Variants in PAM observed in about 807,000 individuals in gnomAD.
PAM encodes peptidylglycine alpha-amidating monooxygenase.
Under a neutral mutation model 122.1 loss-of-function variants are expected in PAM, and 72 were observed. The observed-to-expected ratio is 0.59, with a 90% confidence interval of 0.49 to 0.72. The LOEUF is 0.72. Among genes scored for constraint, PAM ranks in the 30% least tolerant of loss-of-function variants. The pLI, the probability that PAM is intolerant of heterozygous loss-of-function variation, is 0.00. For missense variants in PAM, 1,106 were observed against 1,183.7 expected (o/e 0.93, Z 0.96); for synonymous variants, 389 against 404.4 (o/e 0.96, Z 0.46).
chr5:102,775,895 A>G (rs1757037122), intron 1 of PAM, among the ~76,000 whole-genome samples: 2 of 152,220 alleles, frequency 1.3e-5, no homozygotes. Context: ...TTCTGGTAAT[A>G]CATCCTTGAG....
intron 1 of PAM, among the ~76,000 whole-genome samples, chr5:102,806,999 A>G (rs1458830619): frequency 6.6e-6 from 1 of 152,258 alleles, no homozygotes; most frequent in African/African-American, 2.4e-5. Context: ...AAATAGAGAT[A>G]ATAATAGTTT....
chr5:102,878,678 A>C (rs2151094431), intron 3 of PAM, among the ~76,000 whole-genome samples: 1 of 152,184 alleles, frequency 6.6e-6, no homozygotes, highest in African/African-American at 2.4e-5. Flanking sequence ...TGACCTGTGC[A>C]GGCCTAGGCT....
At chr5:102,783,249 G>C (rs1220310687) in intron 1 of PAM, among the ~76,000 whole-genome samples, 1 of 148,690 alleles carries the variant, frequency 6.7e-6, no homozygotes, top group Non-Finnish European at 1.5e-5. Flanking sequence ...AAAAAAAATA[G>C]AGATGCCCAG....
chr5:102,849,239 G>A (rs182383621), intron 1 of PAM, among the ~76,000 whole-genome samples: 79 of 152,164 alleles, frequency 5.2e-4, no homozygotes, highest in African/African-American at 1.8e-3. Flanking sequence ...CTGGAACCGC[G>A]CTCCAGTTCC....
chr5:102,896,960 G>A (rs1157939470), intron 3 of PAM, among the ~76,000 whole-genome samples: 1 of 151,636 alleles, frequency 6.6e-6, no homozygotes, highest in Admixed American at 6.6e-5. Context: ...CGGAGTTAGT[G>A]TGAGCCTCCT....
At chr5:102,808,674 G>A (rs73185134) in intron 1 of PAM, among the ~76,000 whole-genome samples, 2,157 of 152,278 alleles carry the variant, frequency 0.014, 44 homozygotes, top group African/African-American at 0.05. Flanking sequence ...GGTATGGGAA[G>A]ATACTAGAAA....
chr5:102,859,060 G>A (rs1302112725), intron 1 of PAM, among the ~76,000 whole-genome samples: 1 of 148,114 alleles, frequency 6.8e-6, no homozygotes, highest in Non-Finnish European at 1.5e-5. Context: ...TGTATAGTAC[G>A]TAATACTTGA....
At chr5:102,872,992 A>G (rs897961214) in intron 3 of PAM, among the ~76,000 whole-genome samples, 2 of 152,114 alleles carry the variant, frequency 1.3e-5, no homozygotes, top group African/African-American at 4.8e-5. Context: ...GGGTGAGGGA[A>G]TAATCTGTAC....
chr5:102,807,493 A>G (rs948949161), intron 1 of PAM, among the ~76,000 whole-genome samples: 1 of 152,238 alleles, frequency 6.6e-6, no homozygotes, highest in Non-Finnish European at 1.5e-5. Context: ...CTGTGGCAGT[A>G]GTCAACAGAT....
intron 1 of PAM, among the ~76,000 whole-genome samples, chr5:102,853,998 A>G (rs183934865): frequency 5.9e-5 from 9 of 152,340 alleles, no homozygotes; most frequent in African/African-American, 1.9e-4. Flanking sequence ...TACCAGAAGT[A>G]CAGCCTCTAT....
intron 1 of PAM, among the ~76,000 whole-genome samples, chr5:102,782,005 TC>T (rs1012412519): frequency 6.6e-6 from 1 of 152,212 alleles, no homozygotes; most frequent in Non-Finnish European, 1.5e-5. Context: ...CAGTCTGCAG[TC>T]CACATCCGTG....
Position 102,917,440 on chromosome 5 carries a change from A to G in PAM, c.356+3419A>G, listed in dbSNP as rs1581676696. Among the ~76,000 whole-genome samples, 3 of 152,316 alleles carry G rather than the reference A, an allele frequency of 2.0e-5. No individual in the cohort carries two copies. The Middle Eastern group carries it at 0.01, about 518-fold the overall frequency. On this transcript the variant is annotated intron_variant, in intron 5 of 25. Transcript: ENST00000438793. Reference sequence around the variant, plus strand: ...CTAAACTTTCACATATATTTTGGGGATGATACCTATAACAGTTTTGATGCT... The same window carrying G: ...CTAAACTTTCACATATATTTTGGGGGTGATACCTATAACAGTTTTGATGCT...
chr5:102,792,364 C>T (rs1762257887), intron 1 of PAM, among the ~76,000 whole-genome samples: 1 of 152,168 alleles, frequency 6.6e-6, no homozygotes, highest in Admixed American at 6.5e-5. Context: ...TGGGGAAAGA[C>T]TATGGAGGTT....
chr5:102,843,110 A>C (rs1223126294), intron 1 of PAM, among the ~76,000 whole-genome samples: 1 of 152,224 alleles, frequency 6.6e-6, no homozygotes, highest in Non-Finnish European at 1.5e-5. Context: ...ATTATGTTTT[A>C]AATAAACCAC....
chr5:102,945,064 C>T (rs1756583379), intron 7 of PAM, among the ~76,000 whole-genome samples: 1 of 151,898 alleles, frequency 6.6e-6, no homozygotes, highest in Admixed American at 6.6e-5. Flanking sequence ...TTGGAATATA[C>T]CAATAGAATA....
intron 4 of PAM, among the ~76,000 whole-genome samples, chr5:102,904,294 A>AGTCTTTTAT (rs1321188169): frequency 3.3e-5 from 5 of 151,452 alleles, no homozygotes; most frequent in Non-Finnish European, 7.4e-5. Flanking sequence ...TCTCATAGTC[A>AGTCTTTTAT]TTCTGTTTGT....
At position 102,866,179 on chromosome 5, in the gene PAM, G is replaced by A; in HGVS notation, c.-17G>A. The A allele has an allele frequency of 6.3e-7, 1 of 1,589,444 alleles. No individual in the cohort carries two copies. Among genetic ancestry groups the A allele is most frequent in the East Asian group, 2.2e-5 (1 of 44,770 alleles). On this transcript the variant is annotated 5_prime_UTR_variant, in exon 2 of 26. Transcript: ENST00000438793. ...CGCTGCCCGGTCCTCTCCCGGCGGG[G>A]TCGTATCGGCGTGGACATGGCTGGC... is the stretch of plus-strand genomic sequence containing the variant.
chr5:102,787,671 AT>A (rs1472577153), intron 1 of PAM, among the ~76,000 whole-genome samples: 1 of 151,918 alleles, frequency 6.6e-6, no homozygotes, highest in African/African-American at 2.4e-5. Flanking sequence ...TAGCAAGGAA[AT>A]TTGTATTTGA....
chr5:102,760,615 A>G (rs1360231653), intron 1 of PAM, among the ~76,000 whole-genome samples: 1 of 152,250 alleles, frequency 6.6e-6, no homozygotes, highest in Admixed American at 6.5e-5. Context: ...GAGAAGATAT[A>G]GAAAATTTCC....
Sources: gnomAD v4.1 joint callset for allele counts (sites outside exome capture counted in the v4.1 genomes callset) on GRCh38, gnomAD v4.1.1 for gene constraint, MANE v1.5 for transcripts, NCBI Gene and HGNC (gene_info 2026-07-23, HGNC 2026-07-21) for gene names.